EFCAB6: variants seen among roughly 807,000 people sequenced by gnomAD.
EFCAB6 encodes the protein EF-hand calcium binding domain 6, also known as EF-hand calcium-binding domain-containing protein 6.
EFCAB6 carries 156 observed loss-of-function variants against 169.8 expected under a neutral mutation model. That is an observed-to-expected ratio of 0.92 (90% confidence interval 0.81 to 1.05). EFCAB6 has a LOEUF of 1.05. Ranked by LOEUF, EFCAB6 falls within the 50% of genes least tolerant of loss-of-function variation. The pLI, the probability that EFCAB6 is intolerant of heterozygous loss-of-function variation, is 0.00. For synonymous variants in EFCAB6, 698 were observed against 676.4 expected, an observed-to-expected ratio of 1.03 and a Z score of -0.50; for missense variants, 1,800 against 1,829.1, an observed-to-expected ratio of 0.98 and a Z score of 0.29.
At chr22:43,644,258 G>A (rs1017179981) in intron 17 of EFCAB6, among the ~76,000 whole-genome samples, 5 of 152,066 alleles carry the variant, frequency 3.3e-5, no homozygotes, top group African/African-American at 7.2e-5. Context: ...GGCTTAGCAC[G>A]TTCCAGGTCA....
intron 3 of EFCAB6, among the ~76,000 whole-genome samples, chr22:43,777,272 C>T (rs1011431963): frequency 2.0e-5 from 3 of 152,176 alleles, no homozygotes; most frequent in South Asian, 4.1e-4. Flanking sequence ...GCGGTGCACG[C>T]AGAAAGGTCC....
intron 10 of EFCAB6, among the ~76,000 whole-genome samples, chr22:43,704,832 GA>G (rs137819): frequency 0.11 from 17,001 of 152,008 alleles, 1,008 homozygotes; most frequent in Non-Finnish European, 0.13. Context: ...AAGAGAGGAA[GA>G]AAGAAAGAAA....
intron 26 of EFCAB6, among the ~76,000 whole-genome samples, chr22:43,559,665 C>A (rs137164): frequency 6.6e-6 from 1 of 152,144 alleles, no homozygotes; most frequent in Non-Finnish European, 1.5e-5. Context: ...ATACACACCA[C>A]GGAATACTAT....
chr22:43,670,893 A>G (rs137769), intron 15 of EFCAB6, among the ~76,000 whole-genome samples: 82,845 of 152,118 alleles, frequency 0.54, 22,924 homozygotes, highest in East Asian at 0.77. Flanking sequence ...AGCGGCAGCA[A>G]CAAACACTGG....
rs1602368957 is a variant in EFCAB6 at position 43,576,560 on chromosome 22, T to A, written c.3229-72A>T. The A allele has an allele frequency of 3.0e-6, 4 of 1,328,736 alleles. No individual in the cohort carries two copies. The African/African-American group carries it at 4.5e-5, about 15-fold the overall frequency. The allele number at this position is 1,328,736 out of a possible 1,614,324, so 82.3% of individuals were successfully genotyped here. ...ATACTTCTAAAACACTTTCCTTAAG[T>A]ACTGTTTCTGCTGAATGCAAATGAA... On this transcript the variant is annotated intron_variant, in intron 25 of 31. Coordinates refer to ENST00000262726, the MANE Select transcript of EFCAB6 (RefSeq NM_022785.4).
intron 8 of EFCAB6, among the ~76,000 whole-genome samples, chr22:43,720,095 T>C (rs1365034482): frequency 6.6e-6 from 1 of 152,114 alleles, no homozygotes; most frequent in African/African-American, 2.4e-5. Flanking sequence ...ACAATGTATA[T>C]GTACATCAAA....
chr22:43,722,755 T>C (rs1194616061), intron 8 of EFCAB6, among the ~76,000 whole-genome samples: 1 of 152,202 alleles, frequency 6.6e-6, no homozygotes, highest in Non-Finnish European at 1.5e-5. Context: ...CATGCACTCA[T>C]ATGTTCATTG....
chr22:43,721,256 T>G (rs540938029), intron 8 of EFCAB6, among the ~76,000 whole-genome samples: 11 of 152,192 alleles, frequency 7.2e-5, no homozygotes, highest in Non-Finnish European at 1.6e-4. Context: ...AAATATTCTA[T>G]GCTTACGGAT....
intron 7 of EFCAB6, among the ~76,000 whole-genome samples, chr22:43,734,842 C>T (rs1041553607): frequency 2.0e-5 from 3 of 152,192 alleles, no homozygotes; most frequent in African/African-American, 7.2e-5. Flanking sequence ...GCCCTCTAGA[C>T]TTCCTTGCCT....
At chr22:43,601,688 T>G (rs2052534579) in intron 22 of EFCAB6, among the ~76,000 whole-genome samples, 1 of 152,244 alleles carries the variant, frequency 6.6e-6, no homozygotes, top group Non-Finnish European at 1.5e-5. Flanking sequence ...TTGACCACGT[T>G]CTTGTCCTCA....
At chr22:43,685,138 T>C (rs551359299) in intron 11 of EFCAB6, among the ~76,000 whole-genome samples, 273 of 152,280 alleles carry the variant, frequency 1.8e-3, no homozygotes, top group Non-Finnish European at 5.7e-4. Flanking sequence ...ACTACAACCT[T>C]GCTATTGTCG....
At chr22:43,718,063 C>CCACCCATCCAT (rs2059395876) in intron 8 of EFCAB6, among the ~76,000 whole-genome samples, 131 of 132,008 alleles carry the variant, frequency 9.9e-4, no homozygotes, top group African/African-American at 3.0e-3. Context: ...CATCCATCCA[C>CCACCCATCCAT]CCATCCATCC....
intron 10 of EFCAB6, among the ~76,000 whole-genome samples, chr22:43,708,748 G>A (rs1477792470): frequency 1.3e-5 from 2 of 151,976 alleles, no homozygotes; most frequent in East Asian, 3.9e-4. Flanking sequence ...AAAGGGCTAT[G>A]ATATAATAGT....
At position 43,710,687 on chromosome 22, in the gene EFCAB6, A is replaced by G. The variant is rs1219054545; in HGVS notation, c.1031+788T>C. Among the ~76,000 whole-genome samples the G allele has an allele frequency of 2.6e-5, 4 of 152,196 alleles. No homozygotes were observed. The South Asian group carries it at 8.3e-4, about 32-fold the overall frequency. On this transcript the variant is annotated intron_variant, in intron 10 of 31. Coordinates refer to ENST00000262726, the MANE Select transcript of EFCAB6 (RefSeq NM_022785.4). ...GTCATCATTTTATAATCTCTAATGAATGGATGGATCTGAGTATGATCAACA... is the reference window on the plus strand; with the variant it reads ...GTCATCATTTTATAATCTCTAATGAGTGGATGGATCTGAGTATGATCAACA...
chr22:43,596,136 T>C (rs979429138), intron 23 of EFCAB6, among the ~76,000 whole-genome samples: 1 of 152,040 alleles, frequency 6.6e-6, no homozygotes, highest in Non-Finnish European at 1.5e-5. Flanking sequence ...CCATAGCTAA[T>C]ATGATACTAA....
In EFCAB6 at chr22:43,528,853, C is replaced by G; in HGVS notation, c.4506G>C (p.Ter1502TyrextTer23). 6.2e-7 allele frequency: 1 copy of G among 1,606,688 alleles called. No homozygotes were observed. Among genetic ancestry groups the G allele is most frequent in the Non-Finnish European group, 8.5e-7 (1 of 1,173,934 alleles). The change falls in exon 32 of 32, where the codon TAG becomes TAC. Residue 1502 changes from the stop codon to tyrosine, a stop_lost. Transcript: ENST00000262726. Reference protein sequence around the residue: ...YNDFLRAFLQ* With the variant: ...YNDFLRAFLQY ...CCCGCTGGGCACACAGCAGGGGTGT[C>G]TACTGGAGGAATGCCCGGAGGAAGT... is the stretch of plus-strand genomic sequence containing the variant.
intron 10 of EFCAB6, 26 bp downstream of exon 10, chr22:43,711,449 T>G: frequency 3.3e-6 from 5 of 1,536,854 alleles, no homozygotes; most frequent in Middle Eastern, 1.8e-4. Context: ...GGGAAAAAAA[T>G]GTCAAGGAAA....
At chr22:43,802,250 A>C (rs1366454453) in intron 2 of EFCAB6, among the ~76,000 whole-genome samples, 2 of 152,066 alleles carry the variant, frequency 1.3e-5, no homozygotes, top group African/African-American at 4.8e-5. Flanking sequence ...AGAAGATAAA[A>C]CCAGCTGGGT....
At chr22:43,757,491 G>A (rs147917823) in intron 5 of EFCAB6, among the ~76,000 whole-genome samples, 302 of 150,932 alleles carry the variant, frequency 2.0e-3, no homozygotes, top group African/African-American at 7.2e-3. Flanking sequence ...AGGTTGCGGT[G>A]AGCCGAGATC....
Sources: gnomAD v4.1 joint callset for allele counts (sites outside exome capture counted in the v4.1 genomes callset) on GRCh38, gnomAD v4.1.1 for gene constraint, MANE v1.5 for transcripts, NCBI Gene and HGNC (gene_info 2026-07-23, HGNC 2026-07-21) for gene names.